CERK: variants seen among roughly 807,000 people sequenced by gnomAD.
CERK encodes acylsphingosine kinase.
Under a neutral mutation model 63.4 loss-of-function variants are expected in CERK, and 39 were observed. The ratio of observed to expected loss-of-function variants is 0.61; its 90% CI spans 0.48 to 0.80. CERK has a LOEUF of 0.80. Among genes scored for constraint, CERK ranks in the 30% least tolerant of loss-of-function variants. The pLI is 0.00. For synonymous variants in CERK, 302 were observed against 280.0 expected, an observed-to-expected ratio of 1.08 and a Z score of -0.78; for missense variants, 670 against 714.1, an observed-to-expected ratio of 0.94 and a Z score of 0.70.
Position 46,686,926 on chromosome 22 carries a change from G to A in CERK, c.*208C>T, listed in dbSNP as rs1473177756. ...GCTGCATCCGCTGAGAGTAAGCGGC[G>A]TGGGCTGCAACCCGCAGATGCGTAC... On this transcript the variant is annotated 3_prime_UTR_variant, in exon 13 of 13. Transcript: ENST00000216264. The A allele has an allele frequency of 4.5e-5, 24 of 535,554 alleles. No individual in the cohort carries two copies. Among genetic ancestry groups the A allele is most frequent in the Non-Finnish European group, 6.4e-5 (19 of 298,466 alleles). 33.2% of individuals were successfully genotyped at this position (535,554 alleles called of 1,614,324 possible). A position where few individuals can be genotyped will look rare whatever the true frequency, so the allele number is the denominator to read the frequency against.
At chr22:46,693,526 C>A (rs775575527) in intron 9 of CERK, 23 bp from the exon 10 acceptor site, 58 of 1,605,002 alleles carry the variant, frequency 3.6e-5, no homozygotes, top group Non-Finnish European at 4.9e-5. Flanking sequence ...AATATCATCA[C>A]CTTTTAAATA....
In CERK at chr22:46,685,958, A is replaced by G. The variant is rs2748348; in HGVS notation, c.*1176T>C. The G allele has an allele frequency of 0.36, 54,495 of 151,978 alleles. 10,004 individuals carry two copies. Among genetic ancestry groups the G allele is most frequent in the Middle Eastern group, 0.45 (131 of 294 alleles). 9.4% of individuals were successfully genotyped at this position (151,978 alleles called of 1,614,324 possible). On this transcript the variant is annotated 3_prime_UTR_variant, in exon 13 of 13. Transcript: ENST00000216264. ...ATATTCTCATATTTCAAACAAAACT[A>G]CGTTACAGACATCATCTACGTGGGC...
intron 1 of CERK, among the ~76,000 whole-genome samples, chr22:46,723,392 G>A (rs916153565): frequency 2.6e-5 from 4 of 152,198 alleles, no homozygotes; most frequent in African/African-American, 9.6e-5. Flanking sequence ...GCCGAGGCAG[G>A]CAGAGCACTT....
chr22:46,719,225 G>T (rs961354612), intron 3 of CERK, among the ~76,000 whole-genome samples: 1 of 151,432 alleles, frequency 6.6e-6, no homozygotes, highest in Non-Finnish European at 1.5e-5. Flanking sequence ...ACATGTGCAG[G>T]TTTGTTATAT....
At chr22:46,691,870 C>G in intron 10 of CERK, 93 bp from the exon 11 acceptor site, 5 of 893,258 alleles carry the variant, frequency 5.6e-6, no homozygotes, top group Non-Finnish European at 8.6e-6. Context: ...GGGCTCTCAC[C>G]TGCTCATGCA....
In CERK at chr22:46,713,523, AAAAAAACAAACAAAC is replaced by A. The variant is rs1404983867; in HGVS notation, c.380-1245_380-1231del. Among the ~76,000 whole-genome samples, 20 of 150,974 alleles carry A rather than the reference AAAAAAACAAACAAAC, an allele frequency of 1.3e-4. No homozygotes were observed. The East Asian group carries it at 3.9e-3, about 29-fold the overall frequency. On this transcript the variant is annotated intron_variant, in intron 3 of 12. Coordinates refer to ENST00000216264, the MANE Select transcript of CERK (RefSeq NM_022766.6). ...GACTTCATCTCAAAAAAAAAAAAAA[AAAAAAACAAACAAAC>A]AAAAAAACACAGACACAAATGTTCA...
At chr22:46,711,565 C>T (rs1307327008) in intron 4 of CERK, among the ~76,000 whole-genome samples, 3 of 152,196 alleles carry the variant, frequency 2.0e-5, no homozygotes, top group East Asian at 1.9e-4. Context: ...CACCCCACAA[C>T]AGGCCCCGGT....
chr22:46,727,272 C>T (rs545426931), intron 1 of CERK, among the ~76,000 whole-genome samples: 1 of 152,034 alleles, frequency 6.6e-6, no homozygotes, highest in East Asian at 1.9e-4. Context: ...TTAGTAGCCA[C>T]CAATGTCTCC....
intron 6 of CERK, 119 bp from the exon 7 acceptor site, chr22:46,701,829 G>T: frequency 1.6e-6 from 1 of 640,984 alleles, no homozygotes; most frequent in Non-Finnish European, 2.7e-6. Flanking sequence ...CAACACTAAG[G>T]AATAAATAGA....
chr22:46,711,095 TTGTCTA>T lies in CERK; in HGVS notation c.554_559del (p.Ile185_Asp186del). On this transcript the variant is annotated inframe_deletion, in exon 5 of 13. Coordinates refer to ENST00000216264, the MANE Select transcript of CERK (RefSeq NM_022766.6). ...AAGACGGCTTACTCACCCGTCGTAT[TTGTCTA>T]TGTTAATCTCATACAGAGTCTCCTT... The T allele has an allele frequency of 6.2e-7, 1 of 1,613,314 alleles. No individual in the cohort carries two copies. Among genetic ancestry groups the T allele is most frequent in the South Asian group, 1.1e-5 (1 of 91,018 alleles).
intron 1 of CERK, among the ~76,000 whole-genome samples, chr22:46,728,317 C>A (rs2146591815): frequency 6.6e-6 from 1 of 152,132 alleles, no homozygotes; most frequent in Admixed American, 6.5e-5. Flanking sequence ...CTCCAGGAAC[C>A]CCGCTCTTCC....
intron 1 of CERK, among the ~76,000 whole-genome samples, chr22:46,734,295 A>T (rs961057942): frequency 6.6e-6 from 1 of 152,132 alleles, no homozygotes; most frequent in Admixed American, 6.6e-5. Flanking sequence ...GGAACTGCTG[A>T]CATGATGAAT....
chr22:46,697,669 C>T (rs993223029), intron 8 of CERK, among the ~76,000 whole-genome samples: 8 of 152,072 alleles, frequency 5.3e-5, no homozygotes, highest in African/African-American at 1.7e-4. Flanking sequence ...CCATGCCTGA[C>T]TTATTTTGTA....
intron 12 of CERK, among the ~76,000 whole-genome samples, chr22:46,688,309 G>A (rs1344179052): frequency 6.6e-6 from 1 of 152,216 alleles, no homozygotes; most frequent in African/African-American, 2.4e-5. Flanking sequence ...TATTTATCAA[G>A]ATAGACAGGA....
chr22:46,689,996 C>T lies in CERK; in HGVS notation c.1537G>A (p.Val513Ile), dbSNP rs774060048. 7.5e-5 allele frequency: 121 copies of T among 1,603,082 alleles called. 1 individual carries two copies. In the South Asian group the frequency reaches 1.3e-3, roughly 17 times the overall value. Reference protein sequence around the residue: ...GEVLHSPAIEVRVHCQLVRLF... With the variant: ...GEVLHSPAIEIRVHCQLVRLF... ...CTGGAGGACCCCTGCACGCACCTGACCTCGATGGCAGGGCTGTGCAGGACC... is the reference window on the plus strand; with the variant it reads ...CTGGAGGACCCCTGCACGCACCTGATCTCGATGGCAGGGCTGTGCAGGACC... Residue 513 changes from valine (V) to isoleucine (I), a missense_variant, in exon 12 of 13, where the codon GTC becomes ATC. By Grantham distance (29) the Val-to-Ile change is conservative. Transcript: ENST00000216264.
At chr22:46,703,241 G>A (rs888136692) in intron 6 of CERK, among the ~76,000 whole-genome samples, 10 of 152,134 alleles carry the variant, frequency 6.6e-5, no homozygotes, top group South Asian at 2.1e-4. Context: ...CAAAGCAGCC[G>A]GAGCCATGCC....
intron 6 of CERK, among the ~76,000 whole-genome samples, chr22:46,707,201 G>A (rs746354427): frequency 2.4e-5 from 2 of 83,170 alleles, no homozygotes; most frequent in African/African-American, 7.0e-5. Flanking sequence ...CCAGACACAG[G>A]GCCAGAGAGG....
At chr22:46,693,555 G>A (rs2082742176) in intron 9 of CERK, 52 bp from the exon 10 acceptor site, 4 of 1,416,760 alleles carry the variant, frequency 2.8e-6, no homozygotes, top group Non-Finnish European at 4.0e-6. Flanking sequence ...CAGGTGCAGT[G>A]CGTATGCTTG....
intron 1 of CERK, among the ~76,000 whole-genome samples, chr22:46,728,588 G>A (rs2082931163): frequency 6.6e-6 from 1 of 152,230 alleles, no homozygotes; most frequent in African/African-American, 2.4e-5. Flanking sequence ...TAAATGGAAA[G>A]CAGCATTCAG....
Sources: allele counts gnomAD v4.1 joint callset (sites outside exome capture counted in the v4.1 genomes callset), GRCh38; gene constraint gnomAD v4.1.1; transcripts MANE v1.5; gene names NCBI Gene and HGNC (gene_info 2026-07-23, HGNC 2026-07-21).